Variants in DST observed in about 807,000 individuals in gnomAD.
DST encodes dystonin.
In DST, 253 loss-of-function variants were observed where a neutral mutation model predicts 875.2. The ratio of observed to expected loss-of-function variants is 0.29; its 90% CI spans 0.26 to 0.32. The LOEUF (loss-of-function observed/expected upper bound fraction) is 0.32. DST is among the 10% of genes least tolerant of loss of function. DST has a pLI of 1.00. For synonymous variants in DST, 3,124 were observed against 3,197.1 expected (o/e 0.98, Z 0.77); for missense variants, 8,287 against 9,111.6 (o/e 0.91, Z 3.68).
chr6:56,712,508 T>C (rs552995931), intron 5 of DST, among the ~76,000 whole-genome samples: 2 of 152,210 alleles, frequency 1.3e-5, no homozygotes, highest in African/African-American at 2.4e-5. Context: ...GTGGTTGTAA[T>C]ATAAAGACAA....
chr6:56,659,216 G>A (rs892459090), intron 10 of DST, among the ~76,000 whole-genome samples: 1 of 152,172 alleles, frequency 6.6e-6, no homozygotes, highest in Non-Finnish European at 1.5e-5. Flanking sequence ...CAAGTCAGGA[G>A]ATATTGAGAA....
intron 4 of DST, among the ~76,000 whole-genome samples, chr6:56,798,780 A>C (rs1012320621): frequency 2.0e-5 from 3 of 152,210 alleles, no homozygotes; most frequent in Admixed American, 1.3e-4. Flanking sequence ...CATTCTAGAT[A>C]CCATTAAGAA....
intron 83 of DST, 62 bp downstream of exon 83, chr6:56,493,948 G>A: frequency 7.4e-7 from 1 of 1,345,970 alleles, no homozygotes; most frequent in South Asian, 2.1e-5. Context: ...CAGAAATAAG[G>A]CCAAGTCCAA....
At chr6:56,935,893 C>A (rs1035818881) in intron 2 of DST, among the ~76,000 whole-genome samples, 6 of 152,102 alleles carry the variant, frequency 3.9e-5, no homozygotes, top group Middle Eastern at 3.4e-3. Context: ...CCACTGCACT[C>A]CAGCCTGGTG....
At chr6:56,469,110 C>T in intron 97 of DST, 111 bp from the exon 98 acceptor site, 5 of 811,940 alleles carry the variant, frequency 6.2e-6, no homozygotes, top group Non-Finnish European at 7.6e-6. Flanking sequence ...GATGTAGTAT[C>T]TAGTTTAGAG....
chr6:56,459,123 T>C lies in DST; in HGVS notation c.23339A>G (p.Gln7780Arg). 6.2e-7 allele frequency: 1 copy of C among 1,613,166 alleles called. No individual in the cohort carries two copies. Among genetic ancestry groups the C allele is most frequent in the Non-Finnish European group, 8.5e-7 (1 of 1,179,604 alleles). Residue 7780 changes from glutamine (Q) to arginine (R), a missense_variant, in exon 104 of 104, where the codon CAG becomes CGG. Transcript: ENST00000680361. ...TGCTCGGGGTGTAGGTCTGTGTGTC[T>C]GGGGGACAGTTTCCACATCTGAGCA... ...SVCSDVETVPQTHRPTPRAGS... is the reference protein window; with the variant it reads ...SVCSDVETVPRTHRPTPRAGS...
chr6:56,799,026 A>C (rs2099743727), intron 4 of DST, among the ~76,000 whole-genome samples: 2 of 152,254 alleles, frequency 1.3e-5, no homozygotes, highest in African/African-American at 4.8e-5. Context: ...TGGATCAGCA[A>C]AGAAAGTGGT....
chr6:56,498,914 A>AGGAAG (rs2096018068), intron 80 of DST, among the ~76,000 whole-genome samples: 1 of 152,202 alleles, frequency 6.6e-6, no homozygotes, highest in South Asian at 2.1e-4. Context: ...TACAGAACCC[A>AGGAAG]GCAAATAATG....
intron 87 of DST, among the ~76,000 whole-genome samples, chr6:56,486,382 A>AC (rs1440067401): frequency 6.6e-6 from 1 of 150,420 alleles, no homozygotes; most frequent in African/African-American, 2.4e-5. Flanking sequence ...AAAAAAAAAA[A>AC]AAAAAGGATT....
At chr6:56,587,401 T>C (rs1191671006) in intron 49 of DST, among the ~76,000 whole-genome samples, 5 of 152,108 alleles carry the variant, frequency 3.3e-5, no homozygotes, top group African/African-American at 7.2e-5. Context: ...CCAAGAAATA[T>C]GGGACTATGT....
intron 3 of DST, among the ~76,000 whole-genome samples, chr6:56,897,025 A>G (rs1388750727): frequency 1.3e-5 from 2 of 152,224 alleles, no homozygotes; most frequent in African/African-American, 4.8e-5. Flanking sequence ...GTTCTCAGTC[A>G]TGAAATCTTT....
Position 56,607,904 on chromosome 6 carries a change from C to T in DST, c.6724G>A (p.Asp2242Asn). Residue 2242 changes from aspartate (D) to asparagine (N), a missense_variant, in exon 40 of 104, where the codon GAT becomes AAT. This residue lies in a region of DST where 3,138 missense variants were observed against 3,116.6 expected (regional missense o/e 1.01). Coordinates refer to ENST00000680361, the MANE Select transcript of DST (RefSeq NM_001374736.1). Reference protein sequence around the residue: ...MLLEGCHAEFDGNTAIKECLD... With the variant: ...MLLEGCHAEFNGNTAIKECLD... ...CATTCTTTTATGGCTGTGTTTCCAT[C>T]AAATTCTGCATGACAGCCTTCCAGT... 1 of 1,613,700 alleles carries T rather than the reference C, an allele frequency of 6.2e-7. No homozygotes were observed. Among genetic ancestry groups the T allele is most frequent in the Non-Finnish European group, 8.5e-7 (1 of 1,179,744 alleles).
chr6:56,620,493 C>T (rs1242139880), intron 36 of DST: 1 of 1,614,104 alleles, frequency 6.2e-7, no homozygotes, highest in Admixed American at 1.7e-5. Context: ...AGAGAGATAT[C>T]TTCTACATTT....
chr6:56,630,927 C>T (rs1462139513), intron 30 of DST, among the ~76,000 whole-genome samples: 7 of 151,718 alleles, frequency 4.6e-5, no homozygotes, highest in Admixed American at 2.0e-4. Flanking sequence ...GGACTACAGA[C>T]GCTTACCACC....
intron 37 of DST, among the ~76,000 whole-genome samples, chr6:56,614,007 T>C (rs1441615243): frequency 6.6e-6 from 1 of 152,168 alleles, no homozygotes; most frequent in Non-Finnish European, 1.5e-5. Flanking sequence ...TGACATGGAG[T>C]GCATGGATCT....
intron 4 of DST, among the ~76,000 whole-genome samples, chr6:56,815,349 C>A (rs1047227204): frequency 6.6e-6 from 1 of 152,014 alleles, no homozygotes; most frequent in East Asian, 1.9e-4. Flanking sequence ...CCAAGGTATA[C>A]GTATAAACAC....
At chr6:56,871,163 C>A in intron 3 of DST, 1 of 701,924 alleles carries the variant, frequency 1.4e-6, no homozygotes, top group East Asian at 2.6e-5. Context: ...TTCCTCTTCC[C>A]CTAAGTGGCC....
chr6:56,635,103 T>C, intron 24 of DST, 150 bp from the exon 25 acceptor site: 1 of 667,570 alleles, frequency 1.5e-6, no homozygotes. Context: ...CCCCATCTTG[T>C]ATCCCTCTTC....
chr6:56,587,175 C>T (rs576201772), intron 49 of DST, among the ~76,000 whole-genome samples: 24 of 151,536 alleles, frequency 1.6e-4, no homozygotes, highest in African/African-American at 4.6e-4. Flanking sequence ...AAAATTTAGA[C>T]GAATGTATAA....
Sources: allele counts gnomAD v4.1 joint callset (sites outside exome capture counted in the v4.1 genomes callset), GRCh38; gene constraint gnomAD v4.1.1; regional missense constraint gnomAD v4.1.1; transcripts MANE v1.5; gene names NCBI Gene and HGNC (gene_info 2026-07-23, HGNC 2026-07-21).